UPF2: variants seen among roughly 807,000 people sequenced by gnomAD.
UPF2 encodes regulator of nonsense transcripts 2.
Under a neutral mutation model 141.4 loss-of-function variants are expected in UPF2, and 17 were observed. The observed-to-expected ratio is 0.12, with a 90% CI of 0.08 to 0.18. UPF2 has a LOEUF of 0.18. Ranked by LOEUF, UPF2 falls within the 10% of genes least tolerant of loss-of-function variation. The pLI is 1.00. For synonymous variants in UPF2, 540 were observed against 498.0 expected (o/e 1.08, Z -1.12); for missense variants, 1,152 against 1,515.9 (o/e 0.76, Z 3.99).
At chr10:11,949,986 G>A (rs976414123) in intron 15 of UPF2, among the ~76,000 whole-genome samples, 1 of 151,922 alleles carries the variant, frequency 6.6e-6, no homozygotes, top group Non-Finnish European at 1.5e-5. Context: ...AGCTTTAAGA[G>A]AATATGTGTA....
chr10:11,974,892 T>C (rs981455182), intron 9 of UPF2, among the ~76,000 whole-genome samples: 1 of 152,222 alleles, frequency 6.6e-6, no homozygotes, highest in Non-Finnish European at 1.5e-5. Flanking sequence ...TTATATGTTT[T>C]ATCTCACACA....
At chr10:11,928,475 C>T (rs963348399) in intron 21 of UPF2, among the ~76,000 whole-genome samples, 3 of 151,660 alleles carry the variant, frequency 2.0e-5, no homozygotes, top group Non-Finnish European at 4.4e-5. Flanking sequence ...TTTGGGAGGC[C>T]GAGGCGGGCG....
At chr10:11,933,219 AT>A (rs1485196197) in intron 19 of UPF2, among the ~76,000 whole-genome samples, 1 of 152,236 alleles carries the variant, frequency 6.6e-6, no homozygotes, top group Non-Finnish European at 1.5e-5. Flanking sequence ...AAGGCAAGAC[AT>A]TTCACATTTG....
intron 16 of UPF2, among the ~76,000 whole-genome samples, chr10:11,944,009 AC>A (rs1467689944): frequency 1.6e-5 from 2 of 126,122 alleles, no homozygotes; most frequent in African/African-American, 3.1e-5. Context: ...CAAAAAACAA[AC>A]AAAAAAAAAA....
At position 11,940,733 on chromosome 10, in the gene UPF2, T is replaced by A. The variant is rs1369833279; in HGVS notation, c.3378+1932A>T. ...TTGCCATATGCTAGACAGCTGACTG[T>A]CATCTCTCACCTGAATCACTACAAA... On this transcript the variant is annotated intron_variant, in intron 18 of 21. Transcript: ENST00000357604. The surrounding 1 kb of genome is among the most constrained non-coding windows in gnomAD (Gnocchi z 4.2). Among the ~76,000 whole-genome samples, 1 of 152,198 alleles carries A rather than the reference T, an allele frequency of 6.6e-6. No individual in the cohort carries two copies. The highest frequency in any genetic ancestry group is 2.1e-4 in the South Asian group (1 of 4,828).
chr10:11,983,130 T>G (rs1418448663), intron 8 of UPF2, among the ~76,000 whole-genome samples: 1 of 152,218 alleles, frequency 6.6e-6, no homozygotes, highest in East Asian at 1.9e-4. Context: ...AACTCACTCT[T>G]AAGTATACTG....
chr10:12,035,500 C>T lies in UPF2; in HGVS notation c.-18-59G>A. 2.8e-6 allele frequency: 4 copies of T among 1,453,476 alleles called. No individual in the cohort carries two copies. The South Asian group carries it at 6.2e-5, about 22-fold the overall frequency. 90.0% of individuals were successfully genotyped at this position (1,453,476 alleles called of 1,614,324 possible). On this transcript the variant is annotated intron_variant, in intron 1 of 21. Coordinates refer to ENST00000357604, the MANE Select transcript of UPF2 (RefSeq NM_015542.4). Reference sequence around the variant, plus strand: ...GCAGTGACTTTTTAAAATGATATCACACTATTTTTTTAAACAGAACATATT... The same window carrying T: ...GCAGTGACTTTTTAAAATGATATCATACTATTTTTTTAAACAGAACATATT...
Position 12,004,704 on chromosome 10 carries a change from A to C in UPF2, c.1330T>G (p.Phe444Val). The change falls in exon 5 of 22, where the codon TTC (phenylalanine) becomes GTC (valine). Residue 444 changes from phenylalanine (F) to valine (V), a missense_variant. This residue lies in a region of UPF2 where 739 missense variants were observed against 1,032.2 expected (regional missense o/e 0.72). Coordinates refer to ENST00000357604, the MANE Select transcript of UPF2 (RefSeq NM_015542.4). ...TATTCTCCAGGTTTACCAGGTGTGA[A>C]TATATCAATTCCAGGCCCATGTTCT... ...PEEHGPGIDI[F>V]TPGKPGEYDL... The C allele has an allele frequency of 1.2e-6, 2 of 1,613,546 alleles. No individual in the cohort carries two copies. The highest frequency in any genetic ancestry group is 1.7e-6 in the Non-Finnish European group (2 of 1,179,794).
At chr10:12,035,658 T>C (rs547891033) in intron 1 of UPF2, 27 of 463,606 alleles carry the variant, frequency 5.8e-5, no homozygotes, top group African/African-American at 5.5e-4. Flanking sequence ...GTACTTGTTT[T>C]TTACTTTTTA....
At chr10:11,943,948 C>T (rs1832968163) in intron 16 of UPF2, among the ~76,000 whole-genome samples, 1 of 151,064 alleles carries the variant, frequency 6.6e-6, no homozygotes, top group South Asian at 2.1e-4. Flanking sequence ...TTTACCCCTC[C>T]ACCCCAGTAT....
rs58106776 is a variant in UPF2 at position 11,938,853 on chromosome 10, G to GTTTTTTTTTTTTTTTTT, written c.3379-2158_3379-2142dup. Among the ~76,000 whole-genome samples the GTTTTTTTTTTTTTTTTT allele has an allele frequency of 5.1e-3, 409 of 79,820 alleles. 110 individuals carry two copies. The highest frequency in any genetic ancestry group is 8.5e-3 in the Middle Eastern group (1 of 118). 52.4% of individuals were successfully genotyped at this position (79,820 alleles called of 152,430 possible). A position where few individuals can be genotyped will look rare whatever the true frequency, so the allele number is the denominator to read the frequency against. On this transcript the variant is annotated intron_variant, in intron 18 of 21. Coordinates refer to ENST00000357604, the MANE Select transcript of UPF2 (RefSeq NM_015542.4). ...GTGGTCTTAAGCAAGTTTTTTTTTT[G>GTTTTTTTTTTTTTTTTT]TTTTTTTTTTTTTTTTTTTTTTTTT... is the stretch of plus-strand genomic sequence containing the variant.
intron 2 of UPF2, among the ~76,000 whole-genome samples, chr10:12,032,008 A>C (rs1251487608): frequency 6.6e-6 from 1 of 152,222 alleles, no homozygotes; most frequent in Non-Finnish European, 1.5e-5. Flanking sequence ...GAAAGTATGT[A>C]CAAGGCTGGG....
At chr10:11,971,349 G>C (rs1163478190) in intron 9 of UPF2, among the ~76,000 whole-genome samples, 1 of 151,880 alleles carries the variant, frequency 6.6e-6, no homozygotes, top group Non-Finnish European at 1.5e-5. Context: ...CCGCCTCCCG[G>C]GTTCAAGTGA....
chr10:12,017,219 C>T (rs1045656241), intron 3 of UPF2, among the ~76,000 whole-genome samples: 3 of 152,084 alleles, frequency 2.0e-5, no homozygotes, highest in Non-Finnish European at 2.9e-5. Flanking sequence ...TACTATGCAA[C>T]ATTATTTCAT....
chr10:11,983,929 CTT>C (rs879883321), intron 8 of UPF2, among the ~76,000 whole-genome samples: 1 of 148,112 alleles, frequency 6.8e-6, no homozygotes. Flanking sequence ...TAATTGATAA[CTT>C]TTTTTTTTTG....
At chr10:12,004,493 T>C (rs775232204) in intron 5 of UPF2, 37 bp downstream of exon 5, 8 of 1,509,220 alleles carry the variant, frequency 5.3e-6, no homozygotes, top group Admixed American at 2.1e-5. Context: ...CTAATTCTTA[T>C]AGCACTTAAT....
chr10:12,035,287 T>C lies in UPF2; in HGVS notation c.137A>G (p.Lys46Arg), dbSNP rs2131316468. ...RPKDDIKLTA[K>R]KEVSKAPEDK... is the part of the protein sequence containing the mutation. The stretch of plus-strand genomic sequence containing the variant: ...TTCAGGGGCCTTGCTGACCTCCTTC[T>C]TGGCAGTGAGCTTGATATCGTCTTT... The change falls in exon 2 of 22, where the codon AAG (lysine) becomes AGG (arginine). Residue 46 changes from lysine (K) to arginine (R), a missense_variant. By Grantham distance (26) the Lys-to-Arg change is conservative (BLOSUM62 2). Transcript: ENST00000357604. 2 of 1,614,190 alleles carry C rather than the reference T, an allele frequency of 1.2e-6. No individual in the cohort carries two copies. The highest frequency in any genetic ancestry group is 2.2e-5 in the South Asian group (2 of 91,076).
chr10:12,024,094 C>T (rs1023181991), intron 3 of UPF2, among the ~76,000 whole-genome samples: 19 of 152,200 alleles, frequency 1.2e-4, no homozygotes, highest in African/African-American at 3.4e-4. Flanking sequence ...TGCTTTATCA[C>T]ACCTCAGGGA....
At chr10:12,038,091 C>T (rs146097923) in intron 1 of UPF2, among the ~76,000 whole-genome samples, 359 of 152,136 alleles carry the variant, frequency 2.4e-3, no homozygotes, top group Non-Finnish European at 4.1e-3. Flanking sequence ...TTTTTAAAAT[C>T]GTCATTAGGG....
Sources: allele counts gnomAD v4.1 joint callset (sites outside exome capture counted in the v4.1 genomes callset), GRCh38; gene constraint gnomAD v4.1.1; regional missense constraint gnomAD v4.1.1; non-coding constraint Gnocchi (gnomAD v3.1); transcripts MANE v1.5; gene names NCBI Gene and HGNC (gene_info 2026-07-23, HGNC 2026-07-21).